The following CACHD1 variants were observed in gnomAD, a reference collection of about 807,000 sequenced individuals.
CACHD1 encodes VWFA and cache domain-containing protein 1.
In CACHD1, 71 loss-of-function variants were observed where a neutral mutation model predicts 138.7. The observed-to-expected ratio is 0.51, with a 90% CI of 0.42 to 0.62. The LOEUF (loss-of-function observed/expected upper bound fraction) is 0.62, where lower values mean the gene tolerates loss of function less well. CACHD1 is among the 20% of genes least tolerant of loss of function. The pLI is 0.00. For synonymous variants in CACHD1, 578 were observed against 591.5 expected, an observed-to-expected ratio of 0.98 and a Z score of 0.33; for missense variants, 1,389 against 1,625.3, an observed-to-expected ratio of 0.85 and a Z score of 2.50.
chr1:64,586,347 A>T (rs1256889574), intron 3 of CACHD1, among the ~76,000 whole-genome samples: 2 of 152,200 alleles, frequency 1.3e-5, no homozygotes, highest in Non-Finnish European at 2.9e-5. Context: ...TACAGGCTTG[A>T]GCCACACTTG....
chr1:64,540,928 G>A (rs531233705), intron 1 of CACHD1, among the ~76,000 whole-genome samples: 1 of 152,280 alleles, frequency 6.6e-6, no homozygotes, highest in African/African-American at 2.4e-5. Context: ...CCGGACTAAG[G>A]AATTCATAAT....
chr1:64,545,761 A>G (rs1646713520), intron 1 of CACHD1, among the ~76,000 whole-genome samples: 1 of 152,168 alleles, frequency 6.6e-6, no homozygotes, highest in Admixed American at 6.5e-5. Context: ...ATATCCATAT[A>G]ATTAACTTGA....
chr1:64,564,986 G>C (rs1268468271), intron 2 of CACHD1, among the ~76,000 whole-genome samples: 3 of 151,210 alleles, frequency 2.0e-5, no homozygotes, highest in African/African-American at 7.3e-5. Context: ...CATATTTGTT[G>C]AATAATGACT....
chr1:64,675,960 C>T lies in CACHD1; in HGVS notation c.2952C>T (p.Gly984=). The T allele has an allele frequency of 1.4e-6, 2 of 1,426,988 alleles. No homozygotes were observed. The highest frequency in any genetic ancestry group is 1.7e-5 in the South Asian group (1 of 58,096). 88.4% of individuals were successfully genotyped at this position (1,426,988 alleles called of 1,614,324 possible). A position where few individuals can be genotyped will look rare whatever the true frequency, so the allele number is the denominator to read the frequency against. ...CTCTAGAGGTCAATGAGTGCACTGG[C>T]AACCTCACCAATGCAGAGAACCGGT... ...ECPLEVNECT[G]NLTNAENRNP... Residue 984 remains glycine, a synonymous_variant, in exon 21 of 27, where the codon GGC becomes GGT. Coordinates refer to ENST00000651257, the MANE Select transcript of CACHD1 (RefSeq NM_020925.4).
chr1:64,621,709 C>G (rs1292287332), intron 4 of CACHD1, among the ~76,000 whole-genome samples: 1 of 152,078 alleles, frequency 6.6e-6, no homozygotes, highest in African/African-American at 2.4e-5. Context: ...TCACCTTGTA[C>G]CAAGGGCACA....
intron 2 of CACHD1, among the ~76,000 whole-genome samples, chr1:64,578,964 T>A (rs1209711260): frequency 6.6e-6 from 1 of 152,158 alleles, no homozygotes; most frequent in African/African-American, 2.4e-5. Context: ...TTAAAGAATT[T>A]GTAGGAAATT....
intron 3 of CACHD1, among the ~76,000 whole-genome samples, chr1:64,587,674 A>C (rs1647061449): frequency 6.6e-6 from 1 of 152,248 alleles, no homozygotes; most frequent in Admixed American, 6.5e-5. Flanking sequence ...ACTCATTTTC[A>C]ACGGTATCAC....
chr1:64,542,602 A>G (rs543512203), intron 1 of CACHD1, among the ~76,000 whole-genome samples: 1 of 152,228 alleles, frequency 6.6e-6, no homozygotes, highest in African/African-American at 2.4e-5. Context: ...TTCAATTTTA[A>G]GATTTGTGGG....
intron 21 of CACHD1, among the ~76,000 whole-genome samples, chr1:64,676,354 G>T (rs1649991245): frequency 6.6e-6 from 1 of 152,096 alleles, no homozygotes. Context: ...TTTTACACAC[G>T]TATGATGTGT....
intron 2 of CACHD1, among the ~76,000 whole-genome samples, chr1:64,555,996 T>C (rs1431696943): frequency 6.6e-6 from 1 of 152,206 alleles, no homozygotes; most frequent in African/African-American, 2.4e-5. Context: ...AGTGACTAGT[T>C]TTATAACAAG....
chr1:64,676,312 C>T (rs1926306), intron 21 of CACHD1, among the ~76,000 whole-genome samples: 53,157 of 151,960 alleles, frequency 0.35, 12,723 homozygotes, highest in East Asian at 0.78. Flanking sequence ...ACTTAGTGTT[C>T]TAATTAACCC....
rs1649885118 is a variant in CACHD1, at chr1:64,673,452, C to T, written c.2715C>T (p.Asn905=). 6.2e-7 allele frequency: 1 copy of T among 1,612,702 alleles called. No individual in the cohort carries two copies. Among genetic ancestry groups the T allele is most frequent in the African/African-American group, 1.3e-5 (1 of 74,892 alleles). The change falls in exon 19 of 27, where the codon AAC becomes AAT. Residue 905 remains asparagine (N), a synonymous_variant. Coordinates refer to ENST00000651257, the MANE Select transcript of CACHD1 (RefSeq NM_020925.4). ...DRTVQRFYKF[N]TSLAGDLTNL... ...CGGTCCAGAGGTTTTATAAATTCAA[C>T]ACCAGCCTTGCGGTAAGTTGATCTG...
At chr1:64,580,343 C>G (rs1311301677) in intron 2 of CACHD1, among the ~76,000 whole-genome samples, 1 of 152,040 alleles carries the variant, frequency 6.6e-6, no homozygotes. Flanking sequence ...ATTTTTCTCT[C>G]AATCAAAGTT....
intron 4 of CACHD1, among the ~76,000 whole-genome samples, chr1:64,605,704 G>C (rs1004639009): frequency 6.6e-6 from 1 of 152,202 alleles, no homozygotes; most frequent in Non-Finnish European, 1.5e-5. Flanking sequence ...ACCCACATCA[G>C]TGGGTCGGTC....
intron 1 of CACHD1, among the ~76,000 whole-genome samples, chr1:64,491,097 A>G (rs1304065084): frequency 6.6e-6 from 1 of 152,246 alleles, no homozygotes; most frequent in Non-Finnish European, 1.5e-5. Flanking sequence ...AATAATGTCT[A>G]GAATTTGTTA....
chr1:64,542,082 A>G (rs1646681649), intron 1 of CACHD1, among the ~76,000 whole-genome samples: 1 of 152,256 alleles, frequency 6.6e-6, no homozygotes, highest in South Asian at 2.1e-4. Flanking sequence ...TGTGTGAAGT[A>G]CATTTATAAT....
At chr1:64,576,071 A>G (rs538144657) in intron 2 of CACHD1, among the ~76,000 whole-genome samples, 9 of 152,290 alleles carry the variant, frequency 5.9e-5, no homozygotes, top group South Asian at 2.1e-4. Flanking sequence ...CCGTGGCTGG[A>G]TGTTGGCTAG....
intron 1 of CACHD1, among the ~76,000 whole-genome samples, chr1:64,537,264 G>GA (rs35844892): frequency 3.5e-4 from 53 of 151,018 alleles, no homozygotes; most frequent in African/African-American, 9.8e-4. Flanking sequence ...GCCCTGCCCA[G>GA]AAAAAAAAAA....
At chr1:64,637,005 A>T (rs1335260095) in intron 7 of CACHD1, among the ~76,000 whole-genome samples, 2 of 152,210 alleles carry the variant, frequency 1.3e-5, no homozygotes, top group Non-Finnish European at 2.9e-5. Flanking sequence ...AGCCAATATT[A>T]TGGGGTGGCT....
Sources: allele counts gnomAD v4.1 joint callset (sites outside exome capture counted in the v4.1 genomes callset), GRCh38; gene constraint gnomAD v4.1.1; transcripts MANE v1.5; gene names NCBI Gene and HGNC (gene_info 2026-07-23, HGNC 2026-07-21).